Variants in STK10 observed in about 807,000 individuals in gnomAD.
STK10 encodes the protein serine/threonine kinase 10, also known as serine/threonine-protein kinase 10.
In STK10, 78 loss-of-function variants were observed where a neutral mutation model predicts 113.8. The observed-to-expected ratio is 0.69, with a 90% CI of 0.57 to 0.83. STK10 has a LOEUF of 0.83. STK10 is among the 40% of genes least tolerant of loss of function. The pLI, the probability that STK10 is intolerant of heterozygous loss-of-function variation, is 0.00. For missense variants in STK10, 1,109 were observed against 1,280.1 expected, an observed-to-expected ratio of 0.87 and a Z score of 2.04; for synonymous variants, 465 against 494.7, an observed-to-expected ratio of 0.94 and a Z score of 0.80.
In STK10 at chr5:172,074,513, GTAA is replaced by G. The variant is rs535269256; in HGVS notation, c.1989+7810_1989+7812del. Among the ~76,000 whole-genome samples the G allele has an allele frequency of 4.1e-3, 629 of 152,280 alleles. 3 individuals are homozygous for G. Among genetic ancestry groups the G allele is most frequent in the Non-Finnish European group, 6.6e-3 (448 of 68,022 alleles). On this transcript the variant is annotated intron_variant, in intron 12 of 18. Transcript: ENST00000176763. ...ATAGGCAATAATTATTATTATAGCA[GTAA>G]TAATAATAGTGAACCTAACCCACAC...
At chr5:172,153,541 C>CA (rs1271300793) in intron 2 of STK10, among the ~76,000 whole-genome samples, 1 of 152,224 alleles carries the variant, frequency 6.6e-6, no homozygotes, top group Non-Finnish European at 1.5e-5. Flanking sequence ...CCACCCCACT[C>CA]GGGGGAAAGT....
At chr5:172,091,960 T>G (rs1042557227) in intron 9 of STK10, among the ~76,000 whole-genome samples, 4 of 152,298 alleles carry the variant, frequency 2.6e-5, no homozygotes, top group Non-Finnish European at 5.9e-5. Context: ...GCTCCACTCC[T>G]GCTGAGTCGA....
intron 2 of STK10, among the ~76,000 whole-genome samples, chr5:172,153,325 A>AAAGAAAGAAAGAAAG (rs1770283518): frequency 7.0e-6 from 1 of 141,888 alleles, no homozygotes; most frequent in African/African-American, 2.7e-5. Flanking sequence ...AGAAAGAAAG[A>AAAGAAAGAAAGAAAG]AATGTAAAAT....
chr5:172,076,583 T>C (rs1768313036), intron 12 of STK10, among the ~76,000 whole-genome samples: 2 of 152,208 alleles, frequency 1.3e-5, no homozygotes, highest in South Asian at 4.1e-4. Context: ...ACTGCTCCCT[T>C]ATTTCCCCAG....
rs1255305385 is a variant in STK10 at position 172,093,595 on chromosome 5, C to CT, written c.1370_1371insA (p.Glu458GlyfsTer37). 6.2e-7 allele frequency: 1 copy of CT among 1,614,274 alleles called. No homozygotes were observed. The highest frequency in any genetic ancestry group is 1.1e-5 in the South Asian group (1 of 91,088). Reference sequence around the variant, plus strand: ...CCAGCTTCTCCCCACCCAAGGTCTCCAGGGCGCTGCTGTTGGGCCGGCTCT... The same window carrying CT: ...CCAGCTTCTCCCCACCCAAGGTCTCCTAGGGCGCTGCTGTTGGGCCGGCTCT... On this transcript the variant is annotated frameshift_variant, in exon 9 of 19. Transcript: ENST00000176763. LOFTEE classifies it high-confidence loss of function. This position sits in a 1 kb window ranked among gnomAD's most constrained non-coding sequence, Gnocchi z 4.1.
At chr5:172,090,537 G>A (rs41275263) in intron 9 of STK10, among the ~76,000 whole-genome samples, 175 bp from the exon 10 acceptor site, 2,646 of 152,232 alleles carry the variant, frequency 0.017, 43 homozygotes, top group Middle Eastern at 0.041. Context: ...GGGGTTCTGA[G>A]CTTATTCCCT....
At chr5:172,107,268 A>C (rs1314530659) in intron 5 of STK10, among the ~76,000 whole-genome samples, 1 of 152,198 alleles carries the variant, frequency 6.6e-6, no homozygotes, top group Non-Finnish European at 1.5e-5. Context: ...GCACATGAAA[A>C]AATTGGAAAC....
intron 10 of STK10, among the ~76,000 whole-genome samples, chr5:172,084,663 CTTCT>C (rs951309170): frequency 8.7e-5 from 13 of 149,762 alleles, no homozygotes; most frequent in East Asian, 6.1e-4. Flanking sequence ...CACTGTTTAT[CTTCT>C]TTCTTTTTTT....
At chr5:172,185,668 C>T (rs149026536) in intron 1 of STK10, among the ~76,000 whole-genome samples, 27 of 152,356 alleles carry the variant, frequency 1.8e-4, no homozygotes, top group Middle Eastern at 3.4e-3. Flanking sequence ...GCTGCCCTCA[C>T]AGTAGTCAGA....
At chr5:172,073,859 G>T (rs979135838) in intron 12 of STK10, among the ~76,000 whole-genome samples, 1 of 150,686 alleles carries the variant, frequency 6.6e-6, no homozygotes, top group Non-Finnish European at 1.5e-5. Flanking sequence ...CAGCTACCTG[G>T]GAGGCTGAGG....
chr5:172,172,996 A>T (rs992532627), intron 1 of STK10, among the ~76,000 whole-genome samples: 1 of 151,852 alleles, frequency 6.6e-6, no homozygotes, highest in African/African-American at 2.4e-5. Context: ...GAAAAAAAAA[A>T]GCCTCTGAGG....
chr5:172,117,719 A>G (rs1027874017), intron 3 of STK10, 89 bp from the exon 4 acceptor site: 24 of 1,556,344 alleles, frequency 1.5e-5, no homozygotes, highest in Admixed American at 1.3e-4. Flanking sequence ...GAAATATAAA[A>G]GCCACCAACA....
At chr5:172,149,111 G>A (rs1256376459) in intron 2 of STK10, among the ~76,000 whole-genome samples, 1 of 152,164 alleles carries the variant, frequency 6.6e-6, no homozygotes, top group African/African-American at 2.4e-5. Context: ...AGGTTGCAGT[G>A]AGTTGAGATC....
At chr5:172,078,935 A>T (rs535282852) in intron 12 of STK10, among the ~76,000 whole-genome samples, 1 of 143,004 alleles carries the variant, frequency 7.0e-6, no homozygotes, top group Non-Finnish European at 1.5e-5. Flanking sequence ...TCTCTCTCCC[A>T]CTCTTATAAG....
intron 1 of STK10, among the ~76,000 whole-genome samples, chr5:172,172,010 G>A (rs1290045949): frequency 1.3e-5 from 2 of 151,934 alleles, no homozygotes; most frequent in Non-Finnish European, 2.9e-5. Context: ...TGACCAACAT[G>A]GTGAAACCCT....
chr5:172,104,092 C>G (rs570594133), intron 7 of STK10, among the ~76,000 whole-genome samples: 1 of 152,356 alleles, frequency 6.6e-6, no homozygotes, highest in African/African-American at 2.4e-5. Flanking sequence ...CAGTAGGAAG[C>G]TGGGAAAAGC....
chr5:172,081,261 G>T (rs1329185913), intron 12 of STK10, among the ~76,000 whole-genome samples: 1 of 148,472 alleles, frequency 6.7e-6, no homozygotes, highest in Non-Finnish European at 1.5e-5. Flanking sequence ...TGAGGCAGAA[G>T]AATCGCTTGA....
At chr5:172,157,561 A>G (rs563486779) in intron 1 of STK10, among the ~76,000 whole-genome samples, 3 of 152,226 alleles carry the variant, frequency 2.0e-5, no homozygotes, top group East Asian at 1.9e-4. Flanking sequence ...ATCCCAAAAG[A>G]AAAAACATTT....
intron 2 of STK10, among the ~76,000 whole-genome samples, chr5:172,138,779 A>G (rs966491564): frequency 2.6e-5 from 4 of 152,042 alleles, no homozygotes; most frequent in Admixed American, 6.6e-5. Flanking sequence ...TTGGGAGGCT[A>G]AGGTGGGCGG....
Sources: gnomAD v4.1 joint callset for allele counts (sites outside exome capture counted in the v4.1 genomes callset) on GRCh38, gnomAD v4.1.1 for gene constraint, Gnocchi (gnomAD v3.1) non-coding constraint, MANE v1.5 for transcripts, NCBI Gene and HGNC (gene_info 2026-07-23, HGNC 2026-07-21) for gene names.